Variants in UBE2U observed in about 807,000 individuals in gnomAD.
UBE2U encodes ubiquitin conjugating enzyme E2 U, also known as ubiquitin-conjugating enzyme E2 U.
In UBE2U, 39 loss-of-function variants were observed where a neutral mutation model predicts 41.2. That is an observed-to-expected ratio of 0.95 (90% CI 0.73 to 1.24). UBE2U has a LOEUF of 1.24. Among genes scored for constraint, UBE2U ranks in the 50% most tolerant of loss-of-function variants. UBE2U has a pLI of 0.00. For synonymous variants in UBE2U, 107 were observed against 117.8 expected (o/e 0.91, Z 0.60); for missense variants, 336 against 363.1 (o/e 0.93, Z 0.61).
intron 6 of UBE2U, among the ~76,000 whole-genome samples, chr1:64,229,359 A>G (rs778386777): frequency 3.9e-5 from 6 of 152,184 alleles, no homozygotes; most frequent in Non-Finnish European, 8.8e-5. Flanking sequence ...ATGATGAGGT[A>G]CTTATCAAGG....
At chr1:64,242,448 T>C (rs906660714) in intron 8 of UBE2U, among the ~76,000 whole-genome samples, 11 of 152,176 alleles carry the variant, frequency 7.2e-5, no homozygotes, top group Non-Finnish European at 1.6e-4. Context: ...AAAGATCCTA[T>C]TTTTTGTGTT....
At chr1:64,219,878 A>C (rs1652315638) in intron 5 of UBE2U, among the ~76,000 whole-genome samples, 1 of 152,190 alleles carries the variant, frequency 6.6e-6, no homozygotes, top group Non-Finnish European at 1.5e-5. Flanking sequence ...GATTACAGGC[A>C]TGAGCCACTG....
At chr1:64,217,272 G>A (rs1275593860) in intron 5 of UBE2U, among the ~76,000 whole-genome samples, 1 of 152,122 alleles carries the variant, frequency 6.6e-6, no homozygotes, top group Non-Finnish European at 1.5e-5. Context: ...TTGATAAAAA[G>A]CTCTGGCGCC....
At chr1:64,229,079 G>A (rs1480116157) in intron 6 of UBE2U, among the ~76,000 whole-genome samples, 1 of 150,612 alleles carries the variant, frequency 6.6e-6, no homozygotes, top group Admixed American at 6.6e-5. Context: ...CAGGATGGTC[G>A]CGATCTCCTG....
At chr1:64,247,116 C>T (rs1158158673) in intron 8 of UBE2U, among the ~76,000 whole-genome samples, 1 of 149,190 alleles carries the variant, frequency 6.7e-6, no homozygotes, top group Admixed American at 6.7e-5. Flanking sequence ...CCTACCTCCT[C>T]TTACATCTCT....
At chr1:64,206,260 A>C (rs967661623) in intron 2 of UBE2U, among the ~76,000 whole-genome samples, 2 of 152,136 alleles carry the variant, frequency 1.3e-5, no homozygotes, top group African/African-American at 2.4e-5. Context: ...GATAATTACA[A>C]TAAAATATAC....
At chr1:64,231,463 A>G (rs1644564153) in intron 6 of UBE2U, among the ~76,000 whole-genome samples, 1 of 152,242 alleles carries the variant, frequency 6.6e-6, no homozygotes, top group African/African-American at 2.4e-5. Flanking sequence ...TATATCATTT[A>G]GTCATCTACA....
intron 8 of UBE2U, 34 bp from the exon 9 acceptor site, chr1:64,260,569 A>G: frequency 1.3e-6 from 2 of 1,500,032 alleles, no homozygotes; most frequent in Non-Finnish European, 9.0e-7. Flanking sequence ...ACCAAAATTC[A>G]TTTGGGAATT....
At position 64,203,855 on chromosome 1, in the gene UBE2U, G is replaced by C. The variant is rs1026485369; in HGVS notation, c.-196G>C. 2.3e-5 allele frequency: 10 copies of C among 435,556 alleles called. No homozygotes were observed. Among genetic ancestry groups the C allele is most frequent in the Non-Finnish European group, 3.7e-5 (9 of 243,478 alleles). The allele number at this position is 435,556 out of a possible 1,614,324, so 27.0% of individuals were successfully genotyped here. ...TCTTCCTTCGGGAAGTTCTCGTTTA[G>C]AGGAGTCAGGAGAAAAAGTCATTGT... On this transcript the variant is annotated 5_prime_UTR_variant, in exon 1 of 10. Transcript: ENST00000371077.
chr1:64,215,332 G>A (rs2100287027), intron 5 of UBE2U: 1 of 158,604 alleles, frequency 6.3e-6, no homozygotes, highest in East Asian at 1.8e-4. Flanking sequence ...TTATATAAGG[G>A]AATATTTGAA....
At chr1:64,266,952 G>A in intron 9 of UBE2U, 72 bp from the exon 10 acceptor site, 2 of 1,385,304 alleles carry the variant, frequency 1.4e-6, no homozygotes, top group Non-Finnish European at 2.0e-6. Context: ...TACAAATGCA[G>A]GAACACTTCT....
intron 8 of UBE2U, among the ~76,000 whole-genome samples, chr1:64,250,820 A>G (rs1249290685): frequency 6.6e-6 from 1 of 151,222 alleles, no homozygotes; most frequent in African/African-American, 2.4e-5. Flanking sequence ...AGGACAAAAA[A>G]CCAAACACCA....
chr1:64,220,618 C>G (rs966837984), intron 5 of UBE2U, among the ~76,000 whole-genome samples: 3 of 152,048 alleles, frequency 2.0e-5, no homozygotes, highest in African/African-American at 7.2e-5. Flanking sequence ...TTTCGTTGGT[C>G]TCCTCTCATC....
chr1:64,239,159 AGAAGAAGAAG>A, intron 7 of UBE2U, among the ~76,000 whole-genome samples: 1 of 54,772 alleles, frequency 1.8e-5, no homozygotes, highest in East Asian at 7.1e-4. Context: ...AGAAGAAGAA[AGAAGAAGAAG>A]AAGAAGAAGA....
chr1:64,230,341 GCTGT>G lies in UBE2U; in HGVS notation c.507-2217_507-2214del, dbSNP rs545808353. ...TTGCCTTATTCGAGAACTACTGATG[GCTGT>G]CTATTACCCAACAAATCAAGATCAA... On this transcript the variant is annotated intron_variant, in intron 6 of 9. Transcript: ENST00000371077. Among the ~76,000 whole-genome samples the G allele has an allele frequency of 1.2e-4, 19 of 152,210 alleles. No homozygotes were observed. The South Asian group carries it at 2.3e-3, about 18-fold the overall frequency.
chr1:64,234,674 T>A (rs2100405511), intron 7 of UBE2U, among the ~76,000 whole-genome samples: 1 of 152,336 alleles, frequency 6.6e-6, no homozygotes, highest in East Asian at 1.9e-4. Flanking sequence ...TTAAGGTACA[T>A]CAAGATATAC....
intron 7 of UBE2U, among the ~76,000 whole-genome samples, chr1:64,236,893 A>G (rs771263791): frequency 2.0e-5 from 3 of 152,188 alleles, no homozygotes; most frequent in Non-Finnish European, 4.4e-5. Flanking sequence ...AACTTTCAAT[A>G]TAGATGGCAC....
rs757573369 is a variant in UBE2U at position 64,210,811 on chromosome 1, C to A, written c.311C>A (p.Thr104Lys). 3 of 1,606,068 alleles carry A rather than the reference C, an allele frequency of 1.9e-6. No homozygotes were observed. Among genetic ancestry groups the A allele is most frequent in the South Asian group, 1.1e-5 (1 of 89,864 alleles). Residue 104 changes from threonine (T) to lysine (K), a missense_variant, in exon 4 of 10, where the codon ACA becomes AAA. Physicochemically the swap from Thr to Lys is moderately conservative, Grantham distance 78. Coordinates refer to ENST00000371077, the MANE Select transcript of UBE2U (RefSeq NM_001366232.2). ...DNPEKWNTNY[T>K]LSSILLALQV... ...CCTGAGAAGTGGAATACAAACTATA[C>A]ATTGAGCAGCATCTTACTTGCCCTA...
chr1:64,261,541 C>T (rs761578552), intron 9 of UBE2U, among the ~76,000 whole-genome samples: 5 of 152,312 alleles, frequency 3.3e-5, no homozygotes, highest in South Asian at 2.1e-4. Flanking sequence ...GCCCTGCCCC[C>T]GTATCTCCAA....
Sources: gnomAD v4.1 joint callset for allele counts (sites outside exome capture counted in the v4.1 genomes callset) on GRCh38, gnomAD v4.1.1 for gene constraint, MANE v1.5 for transcripts, NCBI Gene and HGNC (gene_info 2026-07-23, HGNC 2026-07-21) for gene names.